Variants in APLF observed in about 807,000 individuals in gnomAD.
APLF encodes aprataxin and PNKP like factor, also known as aprataxin and PNK-like factor.
A neutral mutation model predicts 55.6 loss-of-function variants in APLF; 61 were observed. The observed-to-expected ratio is 1.10, with a 90% CI of 0.89 to 1.36. The LOEUF (loss-of-function observed/expected upper bound fraction) is 1.36. Among genes scored for constraint, APLF ranks in the 40% most tolerant of loss-of-function variants. The pLI is 0.00. For missense variants in APLF, 611 were observed against 602.5 expected (o/e 1.01, Z -0.15); for synonymous variants, 207 against 214.8 (o/e 0.96, Z 0.32).
intron 8 of APLF, among the ~76,000 whole-genome samples, chr2:68,548,812 T>A (rs374292171): frequency 4.0e-4 from 60 of 151,198 alleles, no homozygotes; most frequent in African/African-American, 1.4e-3. Context: ...GTAGAATAAG[T>A]TCTAGTGAAA....
At chr2:68,517,991 ATG>A (rs1363797340) in intron 5 of APLF, among the ~76,000 whole-genome samples, 1 of 118,274 alleles carries the variant, frequency 8.5e-6, no homozygotes, top group South Asian at 2.2e-4. Context: ...TATCACTAAT[ATG>A]TGTTAATATA....
rs1671662451 is a variant in APLF, at chr2:68,577,815, T to G, written c.1334-5T>G. 1 of 1,612,904 alleles carries G rather than the reference T, an allele frequency of 6.2e-7. No individual in the cohort carries two copies. Among genetic ancestry groups the G allele is most frequent in the South Asian group, 1.1e-5 (1 of 91,024 alleles). ...TGTGTTGTGTACCAATCTTCTGTTT[T>G]GCAGTGAGAAATGTTTTAGATGAAG... On this transcript the variant is annotated splice_region_variant and splice_polypyrimidine_tract_variant and intron_variant, in intron 9 of 9. Transcript: ENST00000303795.
intron 3 of APLF, among the ~76,000 whole-genome samples, chr2:68,508,029 T>C (rs1333445642): frequency 6.6e-6 from 1 of 151,846 alleles, no homozygotes; most frequent in East Asian, 1.9e-4. Flanking sequence ...CATTTATAAT[T>C]ATTTAAAATG....
chr2:68,507,382 A>G (rs1676898401), intron 3 of APLF, among the ~76,000 whole-genome samples: 1 of 151,916 alleles, frequency 6.6e-6, no homozygotes, highest in African/African-American at 2.4e-5. Context: ...ACTCACATTA[A>G]AATGTTTTTT....
At chr2:68,553,594 T>C (rs1400512887) in intron 8 of APLF, among the ~76,000 whole-genome samples, 1 of 152,096 alleles carries the variant, frequency 6.6e-6, no homozygotes, top group Non-Finnish European at 1.5e-5. Context: ...ATATGCATGC[T>C]AGGTTTTTCC....
In APLF at chr2:68,578,788, C is replaced by T; in HGVS notation, c.*766C>T. Reference sequence around the variant, plus strand: ...CTTTATATTAAGAATAGAGAAACGACATAACTTTCTCAAATGGCATTAGTT... The same window carrying T: ...CTTTATATTAAGAATAGAGAAACGATATAACTTTCTCAAATGGCATTAGTT... On this transcript the variant is annotated 3_prime_UTR_variant, in exon 10 of 10. Coordinates refer to ENST00000303795, the MANE Select transcript of APLF (RefSeq NM_173545.3). The T allele has an allele frequency of 2.0e-6, 2 of 985,196 alleles. No individual in the cohort carries two copies. Among genetic ancestry groups the T allele is most frequent in the Non-Finnish European group, 2.4e-6 (2 of 829,834 alleles). The allele number at this position is 985,196 out of a possible 1,614,324, so 61.0% of individuals were successfully genotyped here.
chr2:68,571,498 C>G (rs1488848525), intron 9 of APLF, among the ~76,000 whole-genome samples: 9 of 152,060 alleles, frequency 5.9e-5, no homozygotes, highest in Non-Finnish European at 1.2e-4. Flanking sequence ...GATCCAGTTT[C>G]AGCTTTCTAC....
At chr2:68,567,488 T>C (rs1024697270) in intron 9 of APLF, 101 bp downstream of exon 9, 4 of 951,070 alleles carry the variant, frequency 4.2e-6, no homozygotes, top group Non-Finnish European at 6.2e-6. Context: ...AAATCTCTGC[T>C]TCTGTGAATT....
In APLF at chr2:68,469,500, G is replaced by C. The variant is rs556212464; in HGVS notation, c.96+1673G>C. Among the ~76,000 whole-genome samples the C allele has an allele frequency of 3.9e-4, 59 of 152,318 alleles. No individual in the cohort carries two copies. In the South Asian group the frequency reaches 7.5e-3, roughly 19 times the overall value. On this transcript the variant is annotated intron_variant, in intron 1 of 9. Transcript: ENST00000303795. ...GGAGTGAAAGCTGGGCAATTACCTGGTCAAGATTTTGCTTTTCCTTTTGAA... is the reference window on the plus strand; with the variant it reads ...GGAGTGAAAGCTGGGCAATTACCTGCTCAAGATTTTGCTTTTCCTTTTGAA...
intron 7 of APLF, among the ~76,000 whole-genome samples, chr2:68,543,469 G>C (rs1237813076): frequency 6.6e-6 from 1 of 152,148 alleles, no homozygotes; most frequent in East Asian, 1.9e-4. Flanking sequence ...ATGTTGGTGA[G>C]GTTGTTGAAA....
chr2:68,578,699 A>G lies in APLF; in HGVS notation c.*677A>G, dbSNP rs1671688370. 1 of 985,252 alleles carries G rather than the reference A, an allele frequency of 1.0e-6. No individual in the cohort carries two copies. The highest frequency in any genetic ancestry group is 6.2e-5 in the Admixed American group (1 of 16,252). 61.0% of individuals were successfully genotyped at this position (985,252 alleles called of 1,614,324 possible). A position where few individuals can be genotyped will look rare whatever the true frequency, so the allele number is the denominator to read the frequency against. On this transcript the variant is annotated 3_prime_UTR_variant, in exon 10 of 10. Transcript: ENST00000303795. ...TTGAATTTAAAAGTAAAAAAACTCAAAAAACTTGACCTTTTTTTTCAAACT... is the reference window on the plus strand; with the variant it reads ...TTGAATTTAAAAGTAAAAAAACTCAGAAAACTTGACCTTTTTTTTCAAACT...
intron 5 of APLF, among the ~76,000 whole-genome samples, chr2:68,518,611 T>TAATATATCATGAATATATAATGTC (rs1669748589): frequency 8.8e-6 from 1 of 113,268 alleles, no homozygotes; most frequent in African/African-American, 3.8e-5. Flanking sequence ...AATATATCAT[T>TAATATATCATGAATATATAATGTC]AATATATCAT....
chr2:68,538,361 T>G (rs115296684), intron 7 of APLF, 134 bp downstream of exon 7: 1 of 704,712 alleles, frequency 1.4e-6, no homozygotes, highest in Non-Finnish European at 2.2e-6. Context: ...GTGTTTCTAC[T>G]ATTTGTACTT....
chr2:68,558,239 T>C (rs1436133732), intron 8 of APLF, among the ~76,000 whole-genome samples: 1 of 152,168 alleles, frequency 6.6e-6, no homozygotes, highest in African/African-American at 2.4e-5. Context: ...ATAAATTTGT[T>C]CTTCTTTGTT....
At chr2:68,548,400 A>G (rs1392994002) in intron 8 of APLF, among the ~76,000 whole-genome samples, 1 of 151,900 alleles carries the variant, frequency 6.6e-6, no homozygotes, top group Non-Finnish European at 1.5e-5. Context: ...TTAAATTGCT[A>G]TTGCTTTTTG....
chr2:68,528,355 T>C (rs1670141988), intron 6 of APLF: 3 of 1,530,250 alleles, frequency 2.0e-6, no homozygotes, highest in Non-Finnish European at 1.7e-6. Flanking sequence ...GTCCTTCTCT[T>C]TGGGAAGCCT....
At chr2:68,563,654 C>G (rs567078909) in intron 8 of APLF, among the ~76,000 whole-genome samples, 20 of 152,016 alleles carry the variant, frequency 1.3e-4, no homozygotes, top group African/African-American at 4.8e-4. Context: ...TCTCTAACTC[C>G]TTAGGTTTCA....
intron 1 of APLF, among the ~76,000 whole-genome samples, chr2:68,477,482 A>T (rs1204672233): frequency 2.0e-5 from 3 of 150,624 alleles, no homozygotes; most frequent in Admixed American, 6.6e-5. Context: ...AAAGTAAATT[A>T]AAAAAAAAAT....
chr2:68,578,535 T>C lies in APLF; in HGVS notation c.*513T>C. 9.1e-6 allele frequency: 9 copies of C among 985,894 alleles called. No individual in the cohort carries two copies. The highest frequency in any genetic ancestry group is 1.1e-5 in the Non-Finnish European group (9 of 830,336). The allele number at this position is 985,894 out of a possible 1,614,324, so 61.1% of individuals were successfully genotyped here. On this transcript the variant is annotated 3_prime_UTR_variant, in exon 10 of 10. Coordinates refer to ENST00000303795, the MANE Select transcript of APLF (RefSeq NM_173545.3). ...TAGATGTGAGCTTTGCAATTTCACT[T>C]ACTACTTTTATCCTTCAAAACTTGG... is the stretch of plus-strand genomic sequence containing the variant.
Sources: gnomAD v4.1 joint callset for allele counts (sites outside exome capture counted in the v4.1 genomes callset) on GRCh38, gnomAD v4.1.1 for gene constraint, MANE v1.5 for transcripts, NCBI Gene and HGNC (gene_info 2026-07-23, HGNC 2026-07-21) for gene names.